Variants in CFAP70 observed in about 807,000 individuals in gnomAD.
CFAP70 encodes cilia and flagella associated protein 70.
CFAP70 carries 81 observed loss-of-function variants against 137.6 expected under a neutral mutation model. The observed-to-expected ratio is 0.59, with a 90% CI of 0.49 to 0.71. The LOEUF (loss-of-function observed/expected upper bound fraction) is 0.71. Among genes scored for constraint, CFAP70 ranks in the 30% least tolerant of loss-of-function variants. The pLI is 0.00. For missense variants in CFAP70, 976 were observed against 1,226.7 expected (o/e 0.80, Z 3.05); for synonymous variants, 382 against 423.6 (o/e 0.90, Z 1.20).
At chr10:73,302,883 C>CTTTTCT (rs545853627) in intron 12 of CFAP70, among the ~76,000 whole-genome samples, 12,243 of 130,908 alleles carry the variant, frequency 0.094, 828 homozygotes, top group East Asian at 0.28. Flanking sequence ...CTTTTCTTTT[C>CTTTTCT]TTTTTTTTTT....
At chr10:73,316,155 T>C (rs2050316139) in intron 9 of CFAP70, among the ~76,000 whole-genome samples, 1 of 152,186 alleles carries the variant, frequency 6.6e-6, no homozygotes, top group South Asian at 2.1e-4. Flanking sequence ...TATTACATTT[T>C]CTGTTTCCAT....
intron 19 of CFAP70, among the ~76,000 whole-genome samples, chr10:73,286,603 G>A (rs1432600454): frequency 1.3e-5 from 2 of 152,044 alleles, no homozygotes; most frequent in African/African-American, 2.4e-5. Context: ...AATATAAATA[G>A]TGCCACAGGA....
rs61737616 is a variant in CFAP70, at chr10:73,291,241, C to T, written c.2224G>A (p.Val742Met). 2.6e-4 allele frequency: 416 copies of T among 1,614,122 alleles called. 8 individuals are homozygous for T. The African/African-American group carries it at 4.2e-3, about 16-fold the overall frequency. ...CTGGCTCTACCTGCTGGGGCTTCCA[C>T]CTTGATTGCTGTTGCAGAACCATTT... The change falls in exon 19 of 27, where the codon GTG becomes ATG. Residue 742 changes from valine to methionine, a missense_variant. Val to Met is a conservative substitution (Grantham distance 21). Coordinates refer to ENST00000310715, the Ensembl canonical transcript of CFAP70.
chr10:73,299,689 A>T lies in CFAP70; in HGVS notation c.1257-24T>A, dbSNP rs756516468. On this transcript the variant is annotated intron_variant, in intron 12 of 26. Coordinates refer to ENST00000310715, the Ensembl canonical transcript of CFAP70. Reference sequence around the variant, plus strand: ...CCCTGTATCAGGAAAGAAAAAAAATAAAAAAACAAAAAAAAATTTATTATC... The same window carrying T: ...CCCTGTATCAGGAAAGAAAAAAAATTAAAAAACAAAAAAAAATTTATTATC... 58 of 1,561,666 alleles carry T rather than the reference A, an allele frequency of 3.7e-5. No homozygotes were observed. In the East Asian group the frequency reaches 1.1e-3, roughly 30 times the overall value.
chr10:73,334,584 C>CT (rs58264194), intron 7 of CFAP70, among the ~76,000 whole-genome samples: 21,971 of 142,256 alleles, frequency 0.15, 2,606 homozygotes, highest in African/African-American at 0.31. Context: ...ATTCTGGACT[C>CT]TTTTTTTTTT....
intron 8 of CFAP70, among the ~76,000 whole-genome samples, chr10:73,330,519 C>T (rs2051966107): frequency 6.6e-6 from 1 of 151,210 alleles, no homozygotes; most frequent in Admixed American, 6.6e-5. Flanking sequence ...GAAAGTTAGC[C>T]AATACTTACA....
intron 19 of CFAP70, among the ~76,000 whole-genome samples, chr10:73,290,959 T>C (rs1294463832): frequency 6.6e-6 from 1 of 152,182 alleles, no homozygotes; most frequent in Non-Finnish European, 1.5e-5. Flanking sequence ...TTAACAAATA[T>C]TTACTGAGTG....
intron 12 of CFAP70, among the ~76,000 whole-genome samples, chr10:73,302,883 CTT>C (rs1554895440): frequency 1.8e-4 from 24 of 130,936 alleles, no homozygotes; most frequent in Admixed American, 2.3e-4. Context: ...CTTTTCTTTT[CTT>C]TTTTTTTTTT....
chr10:73,265,733 A>C (rs974878668), intron 25 of CFAP70, among the ~76,000 whole-genome samples: 1 of 152,212 alleles, frequency 6.6e-6, no homozygotes, highest in Non-Finnish European at 1.5e-5. Flanking sequence ...TATATATGTC[A>C]GTCTATTTCT....
At chr10:73,283,128 C>T (rs2047386623) in intron 19 of CFAP70, among the ~76,000 whole-genome samples, 1 of 152,152 alleles carries the variant, frequency 6.6e-6, no homozygotes, top group Non-Finnish European at 1.5e-5. Flanking sequence ...CCAAGAGCCA[C>T]CACACCTGGC....
intron 26 of CFAP70, among the ~76,000 whole-genome samples, chr10:73,255,929 T>C (rs940318517): frequency 6.6e-6 from 1 of 152,192 alleles, no homozygotes; most frequent in Non-Finnish European, 1.5e-5. Flanking sequence ...GTACTACAAG[T>C]GCAGAGTTTA....
chr10:73,271,359 A>C (rs1270278509), intron 24 of CFAP70, among the ~76,000 whole-genome samples: 1 of 152,078 alleles, frequency 6.6e-6, no homozygotes, highest in East Asian at 1.9e-4. Context: ...TAAAAACACA[A>C]AAATTAGCTG....
At chr10:73,328,462 T>C (rs1271117843) in intron 8 of CFAP70, among the ~76,000 whole-genome samples, 7 of 149,942 alleles carry the variant, frequency 4.7e-5, no homozygotes, top group East Asian at 2.0e-4. Context: ...CCAAAAGCAA[T>C]GGCAACAAAA....
chr10:73,299,976 C>CT (rs1388537520), intron 12 of CFAP70, among the ~76,000 whole-genome samples: 2 of 152,176 alleles, frequency 1.3e-5, no homozygotes, highest in Non-Finnish European at 2.9e-5. Flanking sequence ...TATACAAGGG[C>CT]TGTTTGACTG....
intron 25 of CFAP70, among the ~76,000 whole-genome samples, chr10:73,268,846 C>T (rs2133691041): frequency 6.6e-6 from 1 of 152,140 alleles, no homozygotes; most frequent in South Asian, 2.1e-4. Flanking sequence ...AGGCGCTCCC[C>T]ACCATTCCTG....
chr10:73,302,676 C>A (rs1589410195), intron 12 of CFAP70, among the ~76,000 whole-genome samples: 2 of 152,204 alleles, frequency 1.3e-5, no homozygotes, highest in East Asian at 1.9e-4. Context: ...CAAGGTACTT[C>A]AGCATAGTTT....
upstream of CFAP70, among the ~76,000 whole-genome samples, chr10:73,362,914 GTCTT>G (rs1221516334): frequency 6.9e-6 from 1 of 144,044 alleles, no homozygotes; most frequent in Non-Finnish European, 1.5e-5. Context: ...GTCATACATG[GTCTT>G]TATTTACAAA....
intron 8 of CFAP70, among the ~76,000 whole-genome samples, chr10:73,323,581 G>A (rs1401177406): frequency 6.6e-6 from 1 of 152,210 alleles, no homozygotes; most frequent in Non-Finnish European, 1.5e-5. Context: ...TCAAAGAAAG[G>A]GGTGACAGAC....
chr10:73,269,818 A>G, intron 24 of CFAP70, 103 bp from the exon 26 acceptor site: 2 of 619,094 alleles, frequency 3.2e-6, no homozygotes, highest in Non-Finnish European at 5.8e-6. Flanking sequence ...ACTTTTTAAT[A>G]TTTTTAGCAT....
Sources: allele counts gnomAD v4.1 joint callset (sites outside exome capture counted in the v4.1 genomes callset), GRCh38; gene constraint gnomAD v4.1.1; transcripts MANE v1.5; gene names NCBI Gene and HGNC (gene_info 2026-07-23, HGNC 2026-07-21).